Variants in MLXIP observed in about 807,000 individuals in gnomAD.
MLXIP encodes MLX-interacting protein.
Under a neutral mutation model 87.2 loss-of-function variants are expected in MLXIP, and 30 were observed. That is an observed-to-expected ratio of 0.34 (90% CI 0.26 to 0.47). MLXIP has a LOEUF of 0.47. Among genes scored for constraint, MLXIP ranks in the 20% least tolerant of loss-of-function variants. MLXIP has a pLI of 1.00. For synonymous variants in MLXIP, 530 were observed against 514.0 expected, an observed-to-expected ratio of 1.03 and a Z score of -0.42; for missense variants, 1,002 against 1,240.1, an observed-to-expected ratio of 0.81 and a Z score of 2.88.
At chr12:122,139,237 T>C (rs1288210581) in intron 15 of MLXIP, among the ~76,000 whole-genome samples, 4 of 152,154 alleles carry the variant, frequency 2.6e-5, no homozygotes, top group African/African-American at 9.7e-5. Context: ...TTGCAGAAGG[T>C]GCAGGGGAAG....
intron 1 of MLXIP, among the ~76,000 whole-genome samples, chr12:122,100,870 A>ATAAT (rs1238919919): frequency 6.6e-6 from 1 of 152,236 alleles, no homozygotes; most frequent in East Asian, 1.9e-4. Context: ...TAATTGTGAG[A>ATAAT]TAATGGTATA....
intron 1 of MLXIP, among the ~76,000 whole-genome samples, chr12:122,103,700 T>C (rs934196870): frequency 2.6e-5 from 4 of 151,256 alleles, no homozygotes; most frequent in African/African-American, 9.7e-5. Flanking sequence ...TTGTATTTTT[T>C]TTTTTTTTTT....
chr12:122,078,927 A>T lies in MLXIP; in HGVS notation c.74A>T (p.Gln25Leu). ...SRGRQVLLKP[Q>L]VSEDDDDSDT... ...GGCCGCCAGGTGCTGCTCAAGCCCC[A>T]GGTGTCCGAGGACGACGACGACTCG... is the stretch of plus-strand genomic sequence containing the variant. The change falls in exon 1 of 17, where the codon CAG (glutamine) becomes CTG (leucine). Residue 25 changes from glutamine to leucine, a missense_variant. Physicochemically the swap from Gln to Leu is moderately radical, Grantham distance 113 (BLOSUM62 -2). This residue lies in a region of MLXIP where 129 missense variants were observed against 104.2 expected (regional missense o/e 1.24). Transcript: ENST00000319080. The T allele has an allele frequency of 8.9e-7, 1 of 1,126,948 alleles. No individual in the cohort carries two copies. Among genetic ancestry groups the T allele is most frequent in the East Asian group, 6.1e-5 (1 of 16,398 alleles). 69.8% of individuals were successfully genotyped at this position (1,126,948 alleles called of 1,614,324 possible).
intron 1 of MLXIP, among the ~76,000 whole-genome samples, chr12:122,116,634 C>T (rs905992981): frequency 3.9e-5 from 6 of 152,202 alleles, no homozygotes; most frequent in Admixed American, 3.3e-4. Context: ...CCTGCCCCTG[C>T]CCCTGCCTGA....
At chr12:122,083,601 A>G (rs568172335) in intron 1 of MLXIP, among the ~76,000 whole-genome samples, 20 of 152,012 alleles carry the variant, frequency 1.3e-4, no homozygotes, top group Non-Finnish European at 2.5e-4. Context: ...TTTAGTAGAG[A>G]TGGGGTTTCT....
In MLXIP at chr12:122,118,703, C is replaced by A. The variant is rs372565589; in HGVS notation, c.414-8553C>A. Reference sequence around the variant, plus strand: ...TCTCTACTAAAAATACAAAAATTAGCTGGGCGTGGTGGTACACGCCTGTTA... The same window carrying A: ...TCTCTACTAAAAATACAAAAATTAGATGGGCGTGGTGGTACACGCCTGTTA... On this transcript the variant is annotated intron_variant, in intron 1 of 16. Coordinates refer to ENST00000319080, the MANE Select transcript of MLXIP (RefSeq NM_014938.6). 4.6e-5 allele frequency among the ~76,000 whole-genome samples: 7 copies of A among 151,670 alleles called. No individual in the cohort carries two copies. The East Asian group carries it at 1.2e-3, about 25-fold the overall frequency.
At chr12:122,091,500 C>A (rs1952244241) in intron 1 of MLXIP, among the ~76,000 whole-genome samples, 1 of 152,102 alleles carries the variant, frequency 6.6e-6, no homozygotes, top group Non-Finnish European at 1.5e-5. Context: ...GAGTTTGAGA[C>A]CAGCCTTAGC....
intron 1 of MLXIP, among the ~76,000 whole-genome samples, chr12:122,116,088 A>ACACACACACACACACACACAC (rs1565973946): frequency 1.4e-5 from 2 of 145,944 alleles, no homozygotes; most frequent in African/African-American, 5.1e-5. Context: ...ACACACACAC[A>ACACACACACACACACACACAC]ACATTGACAT....
intron 1 of MLXIP, among the ~76,000 whole-genome samples, chr12:122,110,918 A>C (rs1426188340): frequency 3.9e-5 from 6 of 152,070 alleles, no homozygotes. Flanking sequence ...TCTACTAAAA[A>C]TACAAAAAAT....
chr12:122,086,096 G>A (rs1376444611), intron 1 of MLXIP, among the ~76,000 whole-genome samples: 3 of 152,166 alleles, frequency 2.0e-5, no homozygotes, highest in African/African-American at 7.2e-5. Flanking sequence ...GAAAGCCACG[G>A]GATTGGGAAT....
intron 1 of MLXIP, among the ~76,000 whole-genome samples, chr12:122,111,067 ACT>A (rs541362369): frequency 0.02 from 2,301 of 114,474 alleles, 37 homozygotes; most frequent in Non-Finnish European, 0.024. Flanking sequence ...ACAGAGCAAG[ACT>A]CTGTCTCAAA....
intron 3 of MLXIP, chr12:122,128,801 T>G: frequency 5.9e-5 from 14 of 236,014 alleles, no homozygotes; most frequent in East Asian, 2.0e-4. Flanking sequence ...GGAAGGGGCA[T>G]TTATGGGGGG....
chr12:122,124,847 G>A (rs541756813), intron 1 of MLXIP, among the ~76,000 whole-genome samples: 1 of 152,028 alleles, frequency 6.6e-6, no homozygotes, highest in South Asian at 2.1e-4. Flanking sequence ...CCTGACGAAC[G>A]TGGTAAAACC....
At chr12:122,111,116 A>G (rs1013171508) in intron 1 of MLXIP, among the ~76,000 whole-genome samples, 52 of 151,194 alleles carry the variant, frequency 3.4e-4, no homozygotes, top group Non-Finnish European at 5.6e-4. Context: ...GGTCTTGGCT[A>G]CCTGGCGAGT....
chr12:122,098,019 G>A (rs1272545727), intron 1 of MLXIP, among the ~76,000 whole-genome samples: 1 of 152,248 alleles, frequency 6.6e-6, no homozygotes, highest in Non-Finnish European at 1.5e-5. Flanking sequence ...CCTTCTCAGG[G>A]CAGCCTACCA....
intron 15 of MLXIP, among the ~76,000 whole-genome samples, chr12:122,139,157 G>A (rs1372463222): frequency 2.0e-5 from 3 of 152,194 alleles, no homozygotes; most frequent in Non-Finnish European, 4.4e-5. Flanking sequence ...TTTGCAGGAA[G>A]GGCTAGGGAG....
chr12:122,110,487 A>G (rs1001115649), intron 1 of MLXIP, among the ~76,000 whole-genome samples: 4 of 151,686 alleles, frequency 2.6e-5, no homozygotes, highest in Admixed American at 6.6e-5. Flanking sequence ...GGGTTTCTCC[A>G]TGTTGGTCAG....
intron 1 of MLXIP, among the ~76,000 whole-genome samples, chr12:122,124,578 C>T (rs937207840): frequency 6.7e-6 from 1 of 149,596 alleles, no homozygotes; most frequent in African/African-American, 2.5e-5. Context: ...TGGCAGAGGG[C>T]ACCGGCGTCA....
intron 2 of MLXIP, 82 bp downstream of exon 2, chr12:122,127,444 C>G: frequency 1.1e-6 from 1 of 936,934 alleles, no homozygotes; most frequent in Non-Finnish European, 1.6e-6. Flanking sequence ...CCAGAGTCTG[C>G]TCCTGGGACC....
Sources: allele counts gnomAD v4.1 joint callset (sites outside exome capture counted in the v4.1 genomes callset), GRCh38; gene constraint gnomAD v4.1.1; regional missense constraint gnomAD v4.1.1; transcripts MANE v1.5; gene names NCBI Gene and HGNC (gene_info 2026-07-23, HGNC 2026-07-21).